Variants in AMPD3 observed in about 807,000 individuals in gnomAD.
AMPD3 encodes adenosine monophosphate deaminase 3.
A neutral mutation model predicts 82.3 loss-of-function variants in AMPD3; 57 were observed. The observed-to-expected ratio is 0.69, with a 90% CI of 0.56 to 0.86. The LOEUF is 0.86. Ranked by LOEUF, AMPD3 falls within the 40% of genes least tolerant of loss-of-function variation. AMPD3 has a pLI of 0.00. For synonymous variants in AMPD3, 381 were observed against 394.7 expected (o/e 0.97, Z 0.41); for missense variants, 870 against 1,003.8 (o/e 0.87, Z 1.80).
At chr11:10,465,083 A>T (rs966011326) in intron 2 of AMPD3, among the ~76,000 whole-genome samples, 1 of 152,252 alleles carries the variant, frequency 6.6e-6, no homozygotes, top group African/African-American at 2.4e-5. Flanking sequence ...ATAAAAGGAC[A>T]TACCTTGTGA....
chr11:10,502,828 A>T lies in AMPD3; in HGVS notation c.1950A>T (p.Glu650Asp). The part of the protein sequence containing the change: ...FLEYSKNPLR[E>D]FLHKGLHVSL... ...AATATTCCAAGAACCCTCTGAGGGA[A>T]TTCCTACACAAGGGACTGCATGTTT... Residue 650 changes from glutamate to aspartate, a missense_variant, in exon 13 of 15, where the codon GAA (glutamate) becomes GAT (aspartate). Transcript: ENST00000396553. 6.2e-7 allele frequency: 1 copy of T among 1,614,200 alleles called. No individual in the cohort carries two copies. The highest frequency in any genetic ancestry group is 8.5e-7 in the Non-Finnish European group (1 of 1,180,024).
intron 1 of AMPD3, chr11:10,461,027 C>T (rs1591439933): frequency 8.9e-7 from 1 of 1,127,170 alleles, no homozygotes; most frequent in East Asian, 6.7e-5. Context: ...ATGAAGAATG[C>T]AGCTTTGGAT....
intron 6 of AMPD3, among the ~76,000 whole-genome samples, chr11:10,487,601 C>T (rs1047274163): frequency 4.6e-5 from 7 of 152,166 alleles, no homozygotes; most frequent in Admixed American, 3.3e-4. Flanking sequence ...AACATTTGTC[C>T]GCATTGTATA....
At position 10,482,199 on chromosome 11, in the gene AMPD3, C is replaced by T; in HGVS notation, c.563C>T (p.Thr188Ile). The change falls in exon 4 of 15, where the codon ACT becomes ATT. Residue 188 changes from threonine (T) to isoleucine (I), a missense_variant. By Grantham distance (89) the Thr-to-Ile change is moderately conservative. Coordinates refer to ENST00000396553, the MANE Select transcript of AMPD3 (RefSeq NM_001025389.2). ...SQYLGHPRAD[T>I]APPEEGLPDF... ...TACCTGGGTCATCCGCGGGCGGATA[C>T]TGCACCTCCGGAAGAGGGCCTTCCA... 6.2e-7 allele frequency: 1 copy of T among 1,612,876 alleles called. No individual in the cohort carries two copies. The highest frequency in any genetic ancestry group is 8.5e-7 in the Non-Finnish European group (1 of 1,179,698).
At chr11:10,501,429 T>G in intron 11 of AMPD3, 41 bp from the exon 12 acceptor site, 1 of 1,607,702 alleles carries the variant, frequency 6.2e-7, no homozygotes, top group Non-Finnish European at 8.5e-7. Context: ...CAGAGCCAAC[T>G]GGGGGGGGCC....
chr11:10,450,827 C>T (rs1219945580), upstream of AMPD3: 5 of 1,193,270 alleles, frequency 4.2e-6, no homozygotes, highest in Non-Finnish European at 5.2e-6. Flanking sequence ...GCGGCCCTCC[C>T]TCCTCCCGCG....
At chr11:10,470,178 G>A (rs779808240) in intron 2 of AMPD3, among the ~76,000 whole-genome samples, 3 of 152,132 alleles carry the variant, frequency 2.0e-5, no homozygotes, top group Admixed American at 1.3e-4. Context: ...ATCAATCAGC[G>A]TAATCCATCG....
intron 3 of AMPD3, chr11:10,481,570 G>A (rs1848906566): frequency 2.3e-6 from 2 of 884,922 alleles, no homozygotes; most frequent in South Asian, 5.1e-5. Flanking sequence ...GGACTCACAG[G>A]ACTCAGCATA....
intron 14 of AMPD3, chr11:10,505,476 A>G (rs1046536389): frequency 1.0e-6 from 1 of 981,666 alleles, no homozygotes; most frequent in Admixed American, 6.4e-5. Context: ...AGGAAAGCAC[A>G]GCCAGGAATG....
At chr11:10,502,095 AC>A (rs1441593402) in intron 12 of AMPD3, 1 of 985,294 alleles carries the variant, frequency 1.0e-6, no homozygotes, top group African/African-American at 1.7e-5. Flanking sequence ...TCACTGGTGT[AC>A]CCTTGAGCTC....
At chr11:10,505,481 G>C (rs1165674162) in intron 14 of AMPD3, 2 of 977,544 alleles carry the variant, frequency 2.0e-6, no homozygotes, top group Non-Finnish European at 2.4e-6. Context: ...AGCACAGCCA[G>C]GAATGAAGGG....
intron 2 of AMPD3, 125 bp from the exon 3 acceptor site, chr11:10,478,401 G>C: frequency 6.3e-7 from 1 of 1,577,342 alleles, no homozygotes; most frequent in Middle Eastern, 1.9e-4. Flanking sequence ...ACTTCTTAAT[G>C]GTAGGGCCAG....
intron 5 of AMPD3, chr11:10,486,597 C>T (rs1329953328): frequency 3.0e-6 from 3 of 985,232 alleles, no homozygotes; most frequent in Non-Finnish European, 3.6e-6. Context: ...CCTACAGTCC[C>T]AATCCACCCA....
chr11:10,480,117 A>G (rs1418731853), intron 3 of AMPD3, among the ~76,000 whole-genome samples: 2 of 152,266 alleles, frequency 1.3e-5, no homozygotes, highest in Non-Finnish European at 2.9e-5. Flanking sequence ...GAACTGGGCA[A>G]CTGGTCCTCA....
intron 2 of AMPD3, among the ~76,000 whole-genome samples, chr11:10,468,614 G>T (rs1848490980): frequency 6.6e-6 from 1 of 152,134 alleles, no homozygotes; most frequent in African/African-American, 2.4e-5. Context: ...AGATCAACGA[G>T]ACAAAATTAA....
intron 7 of AMPD3, 151 bp from the exon 8 acceptor site, chr11:10,494,748 C>A: frequency 6.5e-7 from 1 of 1,531,980 alleles, no homozygotes; most frequent in Non-Finnish European, 8.8e-7. Context: ...GGTCCTGGTG[C>A]TCAGGAGTTT....
At chr11:10,491,435 T>C (rs1849237288) in intron 6 of AMPD3, among the ~76,000 whole-genome samples, 1 of 152,194 alleles carries the variant, frequency 6.6e-6, no homozygotes, top group African/African-American at 2.4e-5. Context: ...CTAAGATTAA[T>C]GAAGAGGGTT....
At chr11:10,494,708 G>A (rs1172387285) in intron 7 of AMPD3, 191 bp from the exon 8 acceptor site, 1 of 985,282 alleles carries the variant, frequency 1.0e-6, no homozygotes, top group African/African-American at 1.7e-5. Context: ...CCTTGCCAAA[G>A]GATCCCAAGC....
Position 10,487,218 on chromosome 11 carries a change from C to A in AMPD3, c.810-17C>A. 6.2e-7 allele frequency: 1 copy of A among 1,613,950 alleles called. No individual in the cohort carries two copies. Among genetic ancestry groups the A allele is most frequent in the South Asian group, 1.1e-5 (1 of 91,050 alleles). Reference sequence around the variant, plus strand: ...GATGCGACTCAACTATGGTCTCTCCCCATCTCCAACTTGCAGGAAAACCTA... The same window carrying A: ...GATGCGACTCAACTATGGTCTCTCCACATCTCCAACTTGCAGGAAAACCTA... On this transcript the variant is annotated splice_polypyrimidine_tract_variant and intron_variant, in intron 5 of 14. Transcript: ENST00000396553.
Sources: gnomAD v4.1 joint callset for allele counts (sites outside exome capture counted in the v4.1 genomes callset) on GRCh38, gnomAD v4.1.1 for gene constraint, MANE v1.5 for transcripts, NCBI Gene and HGNC (gene_info 2026-07-23, HGNC 2026-07-21) for gene names.